AKR1B10: variants seen among roughly 807,000 people sequenced by gnomAD.
AKR1B10 encodes the protein aldo-keto reductase family 1 member B10.
A neutral mutation model predicts 38.9 loss-of-function variants in AKR1B10; 39 were observed. The ratio of observed to expected loss-of-function variants is 1.00; its 90% confidence interval spans 0.78 to 1.31. The LOEUF (loss-of-function observed/expected upper bound fraction) is 1.31. AKR1B10 is among the 50% of genes most tolerant of loss of function. AKR1B10 has a pLI of 0.00. For missense variants in AKR1B10, 361 were observed against 382.6 expected, an observed-to-expected ratio of 0.94 and a Z score of 0.47; for synonymous variants, 148 against 141.2, an observed-to-expected ratio of 1.05 and a Z score of -0.34.
Position 134,533,048 on chromosome 7 carries a change from C to G in AKR1B10, c.396C>G (p.Ile132Met). 1 of 1,598,720 alleles carries G rather than the reference C, an allele frequency of 6.3e-7. No individual in the cohort carries two copies. The highest frequency in any genetic ancestry group is 8.5e-7 in the Non-Finnish European group (1 of 1,174,574). Residue 132 changes from isoleucine to methionine, a missense_variant, in exon 4 of 10, where the codon ATC becomes ATG. This residue lies in a region of AKR1B10 where 220 missense variants were observed against 216.1 expected (regional missense o/e 1.02). Coordinates refer to ENST00000359579, the MANE Select transcript of AKR1B10 (RefSeq NM_020299.5). Reference protein sequence around the residue: ...LFPKDDKGNAIGGKATFLDAW... With the variant: ...LFPKDDKGNAMGGKATFLDAW... ...CCAAAGATGATAAAGGTAATGCCAT[C>G]GGTGGAAAAGCAACGTTCTTGGATG...
chr7:134,533,768 C>T (rs1562930464), intron 4 of AKR1B10, among the ~76,000 whole-genome samples: 1 of 152,178 alleles, frequency 6.6e-6, no homozygotes, highest in Non-Finnish European at 1.5e-5. Flanking sequence ...GAGTGCTCTG[C>T]TTCTCAGATC....
In AKR1B10 at chr7:134,537,143, T is replaced by A; in HGVS notation, c.645T>A (p.Ser215=). The change falls in exon 6 of 10, where the codon TCT becomes TCA. Residue 215 remains serine (S), a synonymous_variant. Transcript: ENST00000359579. Reference sequence around the variant, plus strand: ...TTACGGCCTACAGCCCCCTGGGCTCTCCGGATAGACCTTGGTGAGGCTTCC... The same window carrying A: ...TTACGGCCTACAGCCCCCTGGGCTCACCGGATAGACCTTGGTGAGGCTTCC... ...ITVTAYSPLG[S]PDRPWAKPED... 6.3e-7 allele frequency: 1 copy of A among 1,594,820 alleles called. No homozygotes were observed. The highest frequency in any genetic ancestry group is 1.7e-5 in the Admixed American group (1 of 57,982).
intron 9 of AKR1B10, 120 bp downstream of exon 9, chr7:134,539,137 C>A: frequency 8.0e-7 from 1 of 1,242,614 alleles, no homozygotes; most frequent in Non-Finnish European, 1.1e-6. Flanking sequence ...TATTTTGGGG[C>A]AATTTTGAAA....
chr7:134,536,894 G>C lies in AKR1B10; in HGVS notation c.552+122G>C, dbSNP rs1253770862. On this transcript the variant is annotated intron_variant, in intron 5 of 9. Coordinates refer to ENST00000359579, the MANE Select transcript of AKR1B10 (RefSeq NM_020299.5). Reference sequence around the variant, plus strand: ...GGGGTCAGTGATCAGGACACTTTGGGGAGGTGTGAGGCTGATCTCACGGGT... The same window carrying C: ...GGGGTCAGTGATCAGGACACTTTGGCGAGGTGTGAGGCTGATCTCACGGGT... 1.9e-6 allele frequency: 3 copies of C among 1,575,818 alleles called. No individual in the cohort carries two copies. The South Asian group carries it at 3.6e-5, about 19-fold the overall frequency.
At chr7:134,536,344 T>G (rs192493871) in intron 4 of AKR1B10, among the ~76,000 whole-genome samples, 31 of 120,716 alleles carry the variant, frequency 2.6e-4, no homozygotes, top group Admixed American at 2.5e-3. Context: ...TTACAAAACT[T>G]TCATATTTCC....
chr7:134,530,149 C>T (rs1393615630), intron 1 of AKR1B10, among the ~76,000 whole-genome samples: 2 of 152,096 alleles, frequency 1.3e-5, no homozygotes, highest in Admixed American at 6.5e-5. Flanking sequence ...TATCCAGATC[C>T]TTATCACCAT....
At chr7:134,528,051 C>A in intron 1 of AKR1B10, 74 bp downstream of exon 1, 1 of 1,570,934 alleles carries the variant, frequency 6.4e-7, no homozygotes, top group African/African-American at 1.3e-5. Flanking sequence ...TGCATTCAGC[C>A]AGGAAAGCCT....
At chr7:134,540,328 G>A (rs968847942) in intron 9 of AKR1B10, among the ~76,000 whole-genome samples, 4 of 152,102 alleles carry the variant, frequency 2.6e-5, no homozygotes, top group Admixed American at 2.6e-4. Flanking sequence ...TCTTACAATG[G>A]CTTACTTTTA....
chr7:134,536,750 A>T lies in AKR1B10; in HGVS notation c.530A>T (p.Lys177Ile), dbSNP rs755403083. The T allele has an allele frequency of 3.1e-6, 5 of 1,613,888 alleles. No individual in the cohort carries two copies. In the South Asian group the frequency reaches 5.5e-5, roughly 18 times the overall value. ...IEKLLNKPGL[K>I]YKPVTNQVEC... is the part of the protein sequence containing the mutation. ...AAGCTCTTGAACAAACCTGGACTGA[A>T]ATATAAACCAGTGACTAACCAGGTA... Residue 177 changes from lysine (K) to isoleucine (I), a missense_variant, in exon 5 of 10, where the codon AAA (lysine) becomes ATA (isoleucine). Coordinates refer to ENST00000359579, the MANE Select transcript of AKR1B10 (RefSeq NM_020299.5).
Position 134,541,321 on chromosome 7 carries a change from T to A in AKR1B10, c.*232T>A, listed in dbSNP as rs570685237. The A allele has an allele frequency of 2.1e-6, 1 of 467,608 alleles. No homozygotes were observed. The highest frequency in any genetic ancestry group is 3.8e-6 in the Non-Finnish European group (1 of 263,848). 29.0% of individuals were successfully genotyped at this position (467,608 alleles called of 1,614,324 possible). On this transcript the variant is annotated 3_prime_UTR_variant, in exon 10 of 10. Transcript: ENST00000359579. Reference sequence around the variant, plus strand: ...TAAGGAAATGACAATTTTTTCCACTTATCTGATCAGAACAAATGTTTATTA... The same window carrying A: ...TAAGGAAATGACAATTTTTTCCACTAATCTGATCAGAACAAATGTTTATTA...
chr7:134,528,276 T>C (rs1018104947), intron 1 of AKR1B10, among the ~76,000 whole-genome samples: 17 of 152,212 alleles, frequency 1.1e-4, no homozygotes, highest in African/African-American at 3.6e-4. Flanking sequence ...GGACACTTAA[T>C]TGGGCTCAAC....
At chr7:134,535,126 G>A (rs906703948) in intron 4 of AKR1B10, among the ~76,000 whole-genome samples, 4 of 152,104 alleles carry the variant, frequency 2.6e-5, no homozygotes, top group Non-Finnish European at 4.4e-5. Flanking sequence ...GGCACATGCC[G>A]CCACATCCAG....
chr7:134,538,456 C>G (rs878925873), intron 8 of AKR1B10, among the ~76,000 whole-genome samples, 179 bp downstream of exon 8: 3 of 152,132 alleles, frequency 2.0e-5, no homozygotes, highest in Non-Finnish European at 4.4e-5. Context: ...GACCCATGGG[C>G]TAAGGACATC....
chr7:134,529,459 T>A (rs1215286652), intron 1 of AKR1B10, among the ~76,000 whole-genome samples: 1 of 152,126 alleles, frequency 6.6e-6, no homozygotes, highest in East Asian at 1.9e-4. Flanking sequence ...ATGAAAGAAT[T>A]ATGAAGGGAG....
chr7:134,538,362 C>A, intron 8 of AKR1B10, 85 bp downstream of exon 8: 5 of 1,335,132 alleles, frequency 3.7e-6, no homozygotes, highest in African/African-American at 1.5e-5. Flanking sequence ...CACCTCATCG[C>A]TGCATTGTCT....
At chr7:134,538,729 C>T (rs1418922263) in intron 8 of AKR1B10, among the ~76,000 whole-genome samples, 4 of 152,220 alleles carry the variant, frequency 2.6e-5, no homozygotes, top group Admixed American at 2.6e-4. Flanking sequence ...TCCCTCCCCC[C>T]AGAACACTGA....
chr7:134,529,656 T>A (rs1178371956), intron 1 of AKR1B10, among the ~76,000 whole-genome samples: 1 of 152,202 alleles, frequency 6.6e-6, no homozygotes, highest in Non-Finnish European at 1.5e-5. Flanking sequence ...GTTTGTTATC[T>A]CACAATTGAA....
intron 2 of AKR1B10, among the ~76,000 whole-genome samples, chr7:134,531,648 CCA>C (rs1807858255): frequency 6.6e-6 from 1 of 152,172 alleles, no homozygotes; most frequent in African/African-American, 2.4e-5. Flanking sequence ...AAATCTGTGG[CCA>C]CATTTACTTC....
chr7:134,539,762 G>T (rs1808100104), intron 9 of AKR1B10, among the ~76,000 whole-genome samples: 1 of 152,098 alleles, frequency 6.6e-6, no homozygotes, highest in South Asian at 2.1e-4. Flanking sequence ...TTTCACTCTG[G>T]CTGGGCAGGC....
Sources: gnomAD v4.1 joint callset for allele counts (sites outside exome capture counted in the v4.1 genomes callset) on GRCh38, gnomAD v4.1.1 for gene constraint, gnomAD v4.1.1 regional missense constraint, MANE v1.5 for transcripts, NCBI Gene and HGNC (gene_info 2026-07-23, HGNC 2026-07-21) for gene names.